Variants in GARIN2 observed in about 807,000 individuals in gnomAD.
The protein encoded by GARIN2 is Golgi-associated RAB2 interactor protein 2.
the GARIN2 span, among the ~76,000 whole-genome samples, chr14:67,198,735 G>T: frequency 6.6e-6 from 1 of 152,148 alleles, no homozygotes; most frequent in South Asian, 2.1e-4. Context: ...AGATGGTGTC[G>T]GGGAGAAAAG....
the GARIN2 span, chr14:67,205,013 C>G: frequency 6.4e-7 from 1 of 1,556,606 alleles, no homozygotes; most frequent in Non-Finnish European, 8.7e-7. Flanking sequence ...ACAGACAGCT[C>G]TGATATTACA....
At chr14:67,216,660 A>G in the GARIN2 span, among the ~76,000 whole-genome samples, 1 of 152,076 alleles carries the variant, frequency 6.6e-6, no homozygotes, top group South Asian at 2.1e-4. Flanking sequence ...TCCTTCACCC[A>G]TTGGTCATTT....
the GARIN2 span, chr14:67,200,169 A>T: frequency 8.6e-7 from 1 of 1,161,094 alleles, no homozygotes; most frequent in East Asian, 2.5e-5. Flanking sequence ...CTATGCCTCC[A>T]CATGGTATGC....
chr14:67,228,415 C>A, the GARIN2 span: 2 of 416,458 alleles, frequency 4.8e-6, no homozygotes, highest in South Asian at 2.1e-4. Flanking sequence ...ACTGACTTCT[C>A]CACCTTTTTT....
the GARIN2 span, chr14:67,204,556 G>A: frequency 6.2e-7 from 1 of 1,613,314 alleles, no homozygotes; most frequent in African/African-American, 1.3e-5. Context: ...TCTGCAGTTT[G>A]TGACTCTTTC....
the GARIN2 span, chr14:67,204,904 ATCACAGATG>A: frequency 8.3e-4 from 1,344 of 1,614,020 alleles, 9 homozygotes; most frequent in African/African-American, 0.016. Context: ...CATCACCGAC[ATCACAGATG>A]TCACAGATCT....
the GARIN2 span, chr14:67,203,405 A>T: frequency 1.2e-6 from 1 of 831,388 alleles, no homozygotes; most frequent in South Asian, 2.3e-5. Context: ...TGTTACTCGC[A>T]CTCCCTGCTG....
At chr14:67,227,356 C>T in the GARIN2 span, 3 of 151,062 alleles carry the variant, frequency 2.0e-5, no homozygotes, top group East Asian at 3.9e-4. Context: ...AGGAGAATTG[C>T]TTGAACCCGG....
the GARIN2 span, chr14:67,208,105 T>A: frequency 6.6e-7 from 1 of 1,519,568 alleles, no homozygotes; most frequent in Non-Finnish European, 8.8e-7. Context: ...TCAGTGACGA[T>A]GAATGAAATG....
At chr14:67,213,209 A>G in the GARIN2 span, among the ~76,000 whole-genome samples, 1 of 150,364 alleles carries the variant, frequency 6.7e-6, no homozygotes, top group Non-Finnish European at 1.5e-5. Context: ...ACATGTGCAC[A>G]ATGTGCAGGT....
chr14:67,194,736 G>T, the GARIN2 span, among the ~76,000 whole-genome samples: 5 of 152,024 alleles, frequency 3.3e-5, no homozygotes, highest in African/African-American at 1.2e-4. Flanking sequence ...CTCCTGACCT[G>T]GTGATCCACC....
the GARIN2 span, among the ~76,000 whole-genome samples, chr14:67,194,361 GA>G: frequency 0.012 from 1,393 of 117,798 alleles, 17 homozygotes; most frequent in African/African-American, 0.037. Flanking sequence ...AAGACCTGTA[GA>G]AAAAAAAAAA....
the GARIN2 span, chr14:67,200,089 C>T: frequency 9.9e-7 from 1 of 1,005,862 alleles, no homozygotes. Context: ...AATGCCTTAT[C>T]CTGGACCTCC....
At chr14:67,201,184 C>T in the GARIN2 span, among the ~76,000 whole-genome samples, 1 of 152,124 alleles carries the variant, frequency 6.6e-6, no homozygotes, top group Admixed American at 6.6e-5. Flanking sequence ...TTCCTAGCTA[C>T]TCGGAAGGCT....
chr14:67,225,059 A>C, the GARIN2 span: 14 of 1,379,716 alleles, frequency 1.0e-5, no homozygotes, highest in East Asian at 8.1e-5. Context: ...TTTCTTTCTC[A>C]CTTCCTCTCT....
the GARIN2 span, among the ~76,000 whole-genome samples, chr14:67,207,460 G>A: frequency 6.6e-6 from 1 of 152,040 alleles, no homozygotes; most frequent in Non-Finnish European, 1.5e-5. Context: ...ATCTGCCCCC[G>A]AGACCTAAAC....
chr14:67,204,146 T>C, the GARIN2 span, among the ~76,000 whole-genome samples: 1 of 152,042 alleles, frequency 6.6e-6, no homozygotes, highest in Non-Finnish European at 1.5e-5. Flanking sequence ...CTATAAAATA[T>C]AAGAAAGAGG....
chr14:67,200,326 A>C, the GARIN2 span: 4 of 653,618 alleles, frequency 6.1e-6, no homozygotes, highest in East Asian at 1.2e-4. Context: ...CTCCCTCAGT[A>C]AATTCACATT....
chr14:67,195,713 TTGTGTGTGTG>T, the GARIN2 span, among the ~76,000 whole-genome samples: 135 of 143,336 alleles, frequency 9.4e-4, no homozygotes, highest in Middle Eastern at 7.1e-3. Context: ...TTCTTTTTGG[TTGTGTGTGTG>T]TGTGTGTGTG....
Sources: gnomAD v4.1 joint callset for allele counts (sites outside exome capture counted in the v4.1 genomes callset) on GRCh38, gnomAD v4.1.1 for gene constraint, MANE v1.5 for transcripts, NCBI Gene and HGNC (gene_info 2026-07-23, HGNC 2026-07-21) for gene names.